Variants in B4GALT6 observed in about 807,000 individuals in gnomAD.
B4GALT6 encodes beta-1,4-galactosyltransferase 6, also known as UDP-Gal:beta-GlcNAc beta-1,4-galactosyltransferase 6.
In B4GALT6, 14 loss-of-function variants were observed where a neutral mutation model predicts 46.3. The ratio of observed to expected loss-of-function variants is 0.30; its 90% confidence interval spans 0.20 to 0.47. The LOEUF (loss-of-function observed/expected upper bound fraction) is 0.47, where lower values mean the gene tolerates loss of function less well. Ranked by LOEUF, B4GALT6 falls within the 20% of genes least tolerant of loss-of-function variation. The pLI, the probability that B4GALT6 is intolerant of heterozygous loss-of-function variation, is 0.99. For missense variants in B4GALT6, 386 were observed against 480.1 expected, an observed-to-expected ratio of 0.80 and a Z score of 1.83; for synonymous variants, 168 against 162.0, an observed-to-expected ratio of 1.04 and a Z score of -0.28.
chr18:31,716,706 T>C, the B4GALT6 span, among the ~76,000 whole-genome samples: 2 of 152,180 alleles, frequency 1.3e-5, no homozygotes, highest in Non-Finnish European at 2.9e-5. Flanking sequence ...ATAAGCTCTT[T>C]GCTGTTGAGA....
At chr18:31,636,475 AG>A (rs2073860408) in intron 5 of B4GALT6, among the ~76,000 whole-genome samples, 1 of 152,234 alleles carries the variant, frequency 6.6e-6, no homozygotes, top group African/African-American at 2.4e-5. Context: ...ACTTCACCAT[AG>A]AAGGTATGTG....
intron 7 of B4GALT6, 113 bp from the exon 8 acceptor site, chr18:31,626,497 CT>C (rs2073699494): frequency 3.5e-6 from 2 of 567,224 alleles, no homozygotes; most frequent in Non-Finnish European, 6.0e-6. Context: ...TCCCCAACCC[CT>C]GGGCCACAAA....
chr18:31,628,311 T>C (rs990485028), intron 6 of B4GALT6, among the ~76,000 whole-genome samples: 1 of 152,178 alleles, frequency 6.6e-6, no homozygotes, highest in Admixed American at 6.5e-5. Flanking sequence ...ATAAGCATTC[T>C]TGGCACCGTG....
chr18:31,661,244 T>C (rs572369336), intron 2 of B4GALT6, among the ~76,000 whole-genome samples: 64 of 152,232 alleles, frequency 4.2e-4, no homozygotes, highest in African/African-American at 1.5e-3. Context: ...TAGGAAAAAT[T>C]GGGGTGAGAC....
chr18:31,661,548 A>T (rs975010806), intron 2 of B4GALT6, among the ~76,000 whole-genome samples: 16 of 151,298 alleles, frequency 1.1e-4, no homozygotes, highest in Admixed American at 2.6e-4. Flanking sequence ...GCTCTCTCTC[A>T]CACACACACA....
chr18:31,648,994 A>G (rs1284740131), intron 3 of B4GALT6, among the ~76,000 whole-genome samples: 1 of 152,212 alleles, frequency 6.6e-6, no homozygotes, highest in East Asian at 1.9e-4. Context: ...TGACAGTGTC[A>G]GAGAAAGACC....
intron 3 of B4GALT6, among the ~76,000 whole-genome samples, chr18:31,646,301 T>G (rs562737482): frequency 3.0e-4 from 46 of 152,224 alleles, no homozygotes; most frequent in Non-Finnish European, 6.6e-4. Context: ...TAGTAGCTTT[T>G]CTAATGTATA....
chr18:31,625,499 G>C lies in B4GALT6; in HGVS notation c.*115C>G. 8.6e-7 allele frequency: 1 copy of C among 1,156,960 alleles called. No individual in the cohort carries two copies. The highest frequency in any genetic ancestry group is 2.1e-5 in the Admixed American group (1 of 47,720). 71.7% of individuals were successfully genotyped at this position (1,156,960 alleles called of 1,614,324 possible). Reference sequence around the variant, plus strand: ...ACTCTGTAAACACTGTGGACTGCTGGCTCTTCTCAGAGAAAAGGGCACTGT... The same window carrying C: ...ACTCTGTAAACACTGTGGACTGCTGCCTCTTCTCAGAGAAAAGGGCACTGT... On this transcript the variant is annotated 3_prime_UTR_variant, in exon 9 of 9. Transcript: ENST00000306851.
intron 3 of B4GALT6, 45 bp downstream of exon 3, chr18:31,657,931 T>C (rs766393776): frequency 6.7e-7 from 1 of 1,492,446 alleles, no homozygotes; most frequent in South Asian, 1.1e-5. Flanking sequence ...ATGACTGTAT[T>C]GTAACACAAG....
chr18:31,659,622 T>A (rs2074187234), intron 2 of B4GALT6, among the ~76,000 whole-genome samples: 1 of 152,090 alleles, frequency 6.6e-6, no homozygotes, highest in Non-Finnish European at 1.5e-5. Flanking sequence ...GTAAATGCAT[T>A]CCCAGAAAAC....
At chr18:31,658,147 G>A (rs1278646783) in intron 2 of B4GALT6, 58 bp from the exon 3 acceptor site, 1 of 1,219,108 alleles carries the variant, frequency 8.2e-7, no homozygotes, top group African/African-American at 1.5e-5. Flanking sequence ...CTTTCTCCCT[G>A]GAATGAAATA....
In B4GALT6 at chr18:31,631,002, T is replaced by A. The variant is rs776439295; in HGVS notation, c.733A>T (p.Met245Leu). 12 of 1,614,184 alleles carry A rather than the reference T, an allele frequency of 7.4e-6. No individual in the cohort carries two copies. The highest frequency in any genetic ancestry group is 1.0e-5 in the Non-Finnish European group (12 of 1,180,032). Residue 245 changes from methionine (M) to leucine (L), a missense_variant, in exon 6 of 9, where the codon ATG becomes TTG. Transcript: ENST00000306851. ...NDRNYYGCGE[M>L]PRHFAAKLDK... ...AGCTTTGCAGCAAAATGACGTGGCA[T>A]TTCTCCACATCCGTAATAGTTCCGG...
chr18:31,649,492 C>T (rs2074033973), intron 3 of B4GALT6, among the ~76,000 whole-genome samples: 1 of 146,384 alleles, frequency 6.8e-6, no homozygotes, highest in Admixed American at 7.0e-5. Flanking sequence ...CAAAACTGTG[C>T]ATACAACAAA....
chr18:31,673,648 G>C (rs933299132), intron 1 of B4GALT6, among the ~76,000 whole-genome samples: 2 of 152,188 alleles, frequency 1.3e-5, no homozygotes, highest in African/African-American at 2.4e-5. Context: ...CTGAGCTGAA[G>C]TCCACATATA....
At chr18:31,698,865 G>T in the B4GALT6 span, among the ~76,000 whole-genome samples, 2 of 152,068 alleles carry the variant, frequency 1.3e-5, no homozygotes, top group African/African-American at 2.4e-5. Flanking sequence ...GAGGTCAGGA[G>T]TTTGAGACCA....
At chr18:31,652,923 T>C (rs1478456570) in intron 3 of B4GALT6, among the ~76,000 whole-genome samples, 3 of 152,176 alleles carry the variant, frequency 2.0e-5, no homozygotes, top group Non-Finnish European at 2.9e-5. Flanking sequence ...ATGTGAATAA[T>C]CTTCCTAAAA....
At chr18:31,724,279 T>C in the B4GALT6 span, 1 of 405,510 alleles carries the variant, frequency 2.5e-6, no homozygotes, top group African/African-American at 2.1e-5. Context: ...CGGCTGCGTC[T>C]CTGGGCCCCA....
intron 3 of B4GALT6, among the ~76,000 whole-genome samples, chr18:31,650,556 G>A (rs993645423): frequency 1.3e-5 from 2 of 152,252 alleles, no homozygotes; most frequent in African/African-American, 4.8e-5. Flanking sequence ...AGTGGCAGCA[G>A]GAGATGCTTC....
At chr18:31,702,710 A>C in the B4GALT6 span, among the ~76,000 whole-genome samples, 1 of 152,210 alleles carries the variant, frequency 6.6e-6, no homozygotes, top group Non-Finnish European at 1.5e-5. Context: ...ATGGAAGAAG[A>C]GAGTAGCTGG....
Sources: allele counts gnomAD v4.1 joint callset (sites outside exome capture counted in the v4.1 genomes callset), GRCh38; gene constraint gnomAD v4.1.1; transcripts MANE v1.5; gene names NCBI Gene and HGNC (gene_info 2026-07-23, HGNC 2026-07-21).